Variants in UNC5A observed in about 807,000 individuals in gnomAD.
The protein encoded by UNC5A is netrin receptor UNC5A.
In UNC5A, 20 loss-of-function variants were observed where a neutral mutation model predicts 87.4. That is an observed-to-expected ratio of 0.23 (90% CI 0.16 to 0.33). The LOEUF (loss-of-function observed/expected upper bound fraction) is 0.33, where lower values mean the gene tolerates loss of function less well. UNC5A is among the 10% of genes least tolerant of loss of function. The probability of loss-of-function intolerance (pLI) is 1.00; values close to 1 mark genes in which losing one functional copy is unlikely to be tolerated. For missense variants in UNC5A, 844 were observed against 1,133.4 expected (o/e 0.74, Z 3.67); for synonymous variants, 438 against 482.3 (o/e 0.91, Z 1.20).
chr5:176,821,965 G>A (rs369354391), intron 1 of UNC5A, among the ~76,000 whole-genome samples: 4 of 152,246 alleles, frequency 2.6e-5, no homozygotes, highest in Non-Finnish European at 4.4e-5. Context: ...CTGGTAGGTC[G>A]AAAGGTAGAG....
intron 1 of UNC5A, among the ~76,000 whole-genome samples, chr5:176,830,146 A>G (rs1336399334): frequency 1.3e-5 from 2 of 152,182 alleles, no homozygotes; most frequent in Non-Finnish European, 2.9e-5. Flanking sequence ...TCTGGGTGCC[A>G]TGAGAACCGC....
At chr5:176,821,318 G>T (rs1376273007) in intron 1 of UNC5A, among the ~76,000 whole-genome samples, 1 of 152,206 alleles carries the variant, frequency 6.6e-6, no homozygotes, top group Non-Finnish European at 1.5e-5. Flanking sequence ...TGCCTACCTG[G>T]ATATCTTGTA....
intron 8 of UNC5A, among the ~76,000 whole-genome samples, chr5:176,876,918 G>T (rs567429479): frequency 6.6e-6 from 1 of 152,314 alleles, no homozygotes; most frequent in South Asian, 2.1e-4. Flanking sequence ...AGGGAGGTCG[G>T]TACCGCATAC....
chr5:176,829,416 AATGGATGGATGGATGG>A (rs770947463), intron 1 of UNC5A, among the ~76,000 whole-genome samples: 1 of 75,960 alleles, frequency 1.3e-5, no homozygotes, highest in Non-Finnish European at 2.8e-5. Context: ...ATGAAAGATG[AATGGATGGATGGATGG>A]ATGGATGGAT....
chr5:176,858,380 C>T (rs899916329), intron 1 of UNC5A, among the ~76,000 whole-genome samples: 1 of 152,054 alleles, frequency 6.6e-6, no homozygotes, highest in Admixed American at 6.5e-5. Flanking sequence ...AAGGGAGTTT[C>T]AGGCAGAGAC....
chr5:176,811,417 C>T (rs1044999378), intron 1 of UNC5A, among the ~76,000 whole-genome samples: 1 of 152,364 alleles, frequency 6.6e-6, no homozygotes, highest in Middle Eastern at 3.4e-3. Context: ...ACAGTCAAAG[C>T]GCCGCGGTCC....
At chr5:176,840,149 G>A (rs1166645776) in intron 1 of UNC5A, among the ~76,000 whole-genome samples, 3 of 152,194 alleles carry the variant, frequency 2.0e-5, no homozygotes, top group East Asian at 3.9e-4. Context: ...GAGCCACCGC[G>A]CCTGGCCTCT....
intron 5 of UNC5A, 50 bp from the exon 6 acceptor site, chr5:176,870,320 G>A: frequency 6.3e-7 from 1 of 1,586,572 alleles, no homozygotes. Flanking sequence ...CTGCCGGGGT[G>A]GGCTCCCAGG....
Position 176,817,373 on chromosome 5 carries a change from C to T in UNC5A, c.70+6553C>T, listed in dbSNP as rs542394519. The stretch of plus-strand genomic sequence containing the variant: ...GTCCGGACCCTGCATCCCACCTCGG[C>T]CCTAGGTGTCCCCAGCCAGGGCGGC... On this transcript the variant is annotated intron_variant, in intron 1 of 14. Coordinates refer to ENST00000329542, the MANE Select transcript of UNC5A (RefSeq NM_133369.3). Among the ~76,000 whole-genome samples, 3 of 152,278 alleles carry T rather than the reference C, an allele frequency of 2.0e-5. No individual in the cohort carries two copies. The East Asian group carries it at 5.8e-4, about 29-fold the overall frequency.
At chr5:176,819,432 C>T (rs142844375) in intron 1 of UNC5A, among the ~76,000 whole-genome samples, 99 of 152,304 alleles carry the variant, frequency 6.5e-4, no homozygotes, top group South Asian at 2.5e-3. Context: ...TCAGGGGTGG[C>T]TGTGGCTTCA....
At chr5:176,862,456 G>C (rs1179706133) in intron 1 of UNC5A, among the ~76,000 whole-genome samples, 168 bp from the exon 2 acceptor site, 1 of 152,178 alleles carries the variant, frequency 6.6e-6, no homozygotes, top group East Asian at 1.9e-4. Context: ...ATGGAGGCCC[G>C]GGTGGGGGAT....
chr5:176,877,764 G>C, intron 10 of UNC5A, 61 bp downstream of exon 10: 1 of 1,529,344 alleles, frequency 6.5e-7, no homozygotes, highest in Non-Finnish European at 8.8e-7. Context: ...CGCTCCACCC[G>C]GCCTTCCACC....
Position 176,810,739 on chromosome 5 carries a change from C to A in UNC5A, c.-12C>A. 1 of 1,140,782 alleles carries A rather than the reference C, an allele frequency of 8.8e-7. No homozygotes were observed. Among genetic ancestry groups the A allele is most frequent in the South Asian group, 4.3e-5 (1 of 23,482 alleles). The allele number at this position is 1,140,782 out of a possible 1,614,324, so 70.7% of individuals were successfully genotyped here. On this transcript the variant is annotated 5_prime_UTR_variant, in exon 1 of 15. Coordinates refer to ENST00000329542, the MANE Select transcript of UNC5A (RefSeq NM_133369.3). This position sits in a 1 kb window ranked among gnomAD's most constrained non-coding sequence, Gnocchi z 7.3. ...CCCCGCGCCCGGCCCGCCCGCCTGCCCGCCCGCGGCCATGGCCGTCCGGCC... is the reference window on the plus strand; with the variant it reads ...CCCCGCGCCCGGCCCGCCCGCCTGCACGCCCGCGGCCATGGCCGTCCGGCC...
At position 176,879,449 on chromosome 5, in the gene UNC5A, C is replaced by A. The variant is rs1013412761; in HGVS notation, c.2324C>A (p.Ala775Asp). Residue 775 changes from alanine (A) to aspartate (D), a missense_variant, in exon 14 of 15, where the codon GCC becomes GAC. Ala to Asp is a moderately radical substitution (Grantham distance 126). Transcript: ENST00000329542. ...CTGGACCCACCCTGTAGGCGGGGTG[C>A]CGACTGGCGGACTCTGGCCCAGAAA... ...SSLDPPCRRG[A>D]DWRTLAQKLH... 1 of 1,611,548 alleles carries A rather than the reference C, an allele frequency of 6.2e-7. No individual in the cohort carries two copies. The highest frequency in any genetic ancestry group is 1.3e-5 in the African/African-American group (1 of 74,906).
At chr5:176,873,500 G>T (rs1405370844) in intron 6 of UNC5A, among the ~76,000 whole-genome samples, 1 of 152,100 alleles carries the variant, frequency 6.6e-6, no homozygotes, top group Non-Finnish European at 1.5e-5. Context: ...CCTTGGGGAG[G>T]CAGACAGAGA....
chr5:176,816,301 C>A (rs1379328217), intron 1 of UNC5A, among the ~76,000 whole-genome samples: 1 of 152,260 alleles, frequency 6.6e-6, no homozygotes, highest in Non-Finnish European at 1.5e-5. Context: ...GGAGGCAGAA[C>A]TGGGGACTGA....
At chr5:176,835,736 TG>T in intron 1 of UNC5A, among the ~76,000 whole-genome samples, 1 of 148,376 alleles carries the variant, frequency 6.7e-6, no homozygotes, top group East Asian at 1.9e-4. Flanking sequence ...AGGATGTGTG[TG>T]TGTGTGTGTG....
intron 1 of UNC5A, among the ~76,000 whole-genome samples, chr5:176,817,640 G>C (rs1440781433): frequency 1.3e-5 from 2 of 151,420 alleles, no homozygotes; most frequent in Non-Finnish European, 1.5e-5. Context: ...CTCAGCGCGT[G>C]TCTCTGGCTT....
chr5:176,863,571 T>G (rs1396122740), intron 2 of UNC5A, among the ~76,000 whole-genome samples: 1 of 151,808 alleles, frequency 6.6e-6, no homozygotes, highest in East Asian at 1.9e-4. Context: ...AAGCACCTCT[T>G]CCATGAGACA....
Sources: gnomAD v4.1 joint callset for allele counts (sites outside exome capture counted in the v4.1 genomes callset) on GRCh38, gnomAD v4.1.1 for gene constraint, Gnocchi (gnomAD v3.1) non-coding constraint, MANE v1.5 for transcripts, NCBI Gene and HGNC (gene_info 2026-07-23, HGNC 2026-07-21) for gene names.